MAP4K3: variants seen among roughly 807,000 people sequenced by gnomAD.
MAP4K3 encodes the protein mitogen-activated protein kinase kinase kinase kinase 3, also known as MAPK/ERK kinase kinase kinase 3.
A neutral mutation model predicts 143.5 loss-of-function variants in MAP4K3; 94 were observed. The ratio of observed to expected loss-of-function variants is 0.65; its 90% confidence interval spans 0.55 to 0.78. MAP4K3 has a LOEUF of 0.78. MAP4K3 is among the 30% of genes least tolerant of loss of function. The pLI, the probability that MAP4K3 is intolerant of heterozygous loss-of-function variation, is 0.00. For missense variants in MAP4K3, 1,077 were observed against 1,068.1 expected (o/e 1.01, Z -0.12); for synonymous variants, 416 against 347.2 (o/e 1.20, Z -2.20).
intron 32 of MAP4K3, 53 bp downstream of exon 32, chr2:39,254,397 G>T: frequency 7.2e-7 from 1 of 1,384,628 alleles, no homozygotes; most frequent in Non-Finnish European, 1.0e-6. Context: ...CGAACTGTTT[G>T]AAGTGGAATT....
chr2:39,300,439 A>G (rs1682462541), intron 15 of MAP4K3, among the ~76,000 whole-genome samples: 1 of 152,238 alleles, frequency 6.6e-6, no homozygotes, highest in Non-Finnish European at 1.5e-5. Context: ...TAGAGTGTTA[A>G]GAATTAACAT....
At chr2:39,351,964 C>A (rs529487854) in intron 3 of MAP4K3, among the ~76,000 whole-genome samples, 2 of 152,330 alleles carry the variant, frequency 1.3e-5, no homozygotes, top group Admixed American at 6.5e-5. Flanking sequence ...AGCCACCGCA[C>A]CCAGCCCAAA....
At chr2:39,351,654 A>C (rs1031327334) in intron 3 of MAP4K3, among the ~76,000 whole-genome samples, 1 of 152,178 alleles carries the variant, frequency 6.6e-6, no homozygotes, top group Non-Finnish European at 1.5e-5. Context: ...AGTACTCTGT[A>C]CTTCAAAGGT....
intron 2 of MAP4K3, among the ~76,000 whole-genome samples, chr2:39,362,694 C>A (rs1665803838): frequency 6.6e-6 from 1 of 152,026 alleles, no homozygotes; most frequent in South Asian, 2.1e-4. Flanking sequence ...ATAGAAAAAA[C>A]AATCCTAAAA....
At chr2:39,424,830 C>CAAAAAAAAAAAAA (rs58960920) in intron 1 of MAP4K3, among the ~76,000 whole-genome samples, 1 of 68,198 alleles carries the variant, frequency 1.5e-5, no homozygotes, top group African/African-American at 6.0e-5. Flanking sequence ...TAACCTGACT[C>CAAAAAAAAAAAAA]AAAAAAAAAA....
At chr2:39,413,282 T>C (rs989267640) in intron 1 of MAP4K3, among the ~76,000 whole-genome samples, 1 of 151,886 alleles carries the variant, frequency 6.6e-6, no homozygotes, top group African/African-American at 2.4e-5. Context: ...GAGAAAACTA[T>C]AGTCCTAAGT....
intron 2 of MAP4K3, among the ~76,000 whole-genome samples, chr2:39,362,225 T>C (rs1558666346): frequency 6.6e-6 from 1 of 152,172 alleles, no homozygotes; most frequent in Non-Finnish European, 1.5e-5. Flanking sequence ...TCCTGGATCA[T>C]GTTAAATGTC....
chr2:39,309,387 G>T, intron 14 of MAP4K3, 74 bp downstream of exon 14: 2 of 1,154,450 alleles, frequency 1.7e-6, no homozygotes, highest in Non-Finnish European at 2.5e-6. Flanking sequence ...TTTTTGGTCA[G>T]TACTAATACA....
intron 2 of MAP4K3, among the ~76,000 whole-genome samples, chr2:39,371,095 G>A (rs1008371847): frequency 6.6e-6 from 1 of 151,992 alleles, no homozygotes; most frequent in South Asian, 2.1e-4. Context: ...GAACAAACCC[G>A]TCATCTGACA....
chr2:39,430,347 T>C (rs190778750), intron 1 of MAP4K3, among the ~76,000 whole-genome samples: 31 of 152,290 alleles, frequency 2.0e-4, no homozygotes, highest in Admixed American at 8.5e-4. Context: ...AATTATTCTA[T>C]AGAGTTTAAG....
At chr2:39,287,817 G>C (rs1681864102) in intron 20 of MAP4K3, among the ~76,000 whole-genome samples, 2 of 152,180 alleles carry the variant, frequency 1.3e-5, no homozygotes, top group African/African-American at 4.8e-5. Flanking sequence ...TTCCATGTTT[G>C]TTCATAGTTT....
intron 8 of MAP4K3, among the ~76,000 whole-genome samples, chr2:39,326,902 G>C (rs574157468): frequency 6.6e-6 from 1 of 152,020 alleles, no homozygotes; most frequent in Admixed American, 6.6e-5. Flanking sequence ...ATGATTGTAA[G>C]TTTTCTGAGG....
At chr2:39,273,518 A>C (rs905331687) in intron 24 of MAP4K3, among the ~76,000 whole-genome samples, 2 of 103,234 alleles carry the variant, frequency 1.9e-5, no homozygotes, top group Middle Eastern at 4.5e-3. Flanking sequence ...GAGATGAGAG[A>C]ATGGAATAGA....
Position 39,424,112 on chromosome 2 carries a change from T to G in MAP4K3, c.96+12780A>C, listed in dbSNP as rs1664980112. Among the ~76,000 whole-genome samples, 7 of 152,190 alleles carry G rather than the reference T, an allele frequency of 4.6e-5. No homozygotes were observed. In the South Asian group the frequency reaches 1.5e-3, roughly 32 times the overall value. On this transcript the variant is annotated intron_variant, in intron 1 of 33. Transcript: ENST00000263881. ...ATGTGTGCCACCACACCCAGCTAAT[T>G]TTTATATTTTTCGTAGAGACAGGGT...
chr2:39,380,958 T>A (rs1283554776), intron 1 of MAP4K3, among the ~76,000 whole-genome samples: 1 of 152,180 alleles, frequency 6.6e-6, no homozygotes, highest in African/African-American at 2.4e-5. Context: ...CCAGACCCAT[T>A]CGCAGTCACT....
chr2:39,422,383 C>CAT (rs1377601073), intron 1 of MAP4K3, among the ~76,000 whole-genome samples: 1 of 152,064 alleles, frequency 6.6e-6, no homozygotes, highest in Non-Finnish European at 1.5e-5. Flanking sequence ...CCAAACTCCT[C>CAT]ATGTTTGGAA....
chr2:39,323,877 T>G (rs1157578771), intron 12 of MAP4K3: 2 of 152,174 alleles, frequency 1.3e-5, no homozygotes, highest in African/African-American at 2.4e-5. Context: ...TTTTTCACAT[T>G]TCTACAATTA....
intron 15 of MAP4K3, among the ~76,000 whole-genome samples, chr2:39,306,741 G>C (rs1361183457): frequency 2.0e-5 from 3 of 152,188 alleles, no homozygotes; most frequent in Non-Finnish European, 4.4e-5. Context: ...CTGTGAAACA[G>C]AGCCAGCATC....
chr2:39,278,660 T>C (rs766372028), intron 23 of MAP4K3, among the ~76,000 whole-genome samples, 174 bp from the exon 24 acceptor site: 46 of 152,244 alleles, frequency 3.0e-4, no homozygotes, highest in Non-Finnish European at 2.9e-5. Flanking sequence ...CTGAATTATA[T>C]GTAAACATTA....
Sources: allele counts gnomAD v4.1 joint callset (sites outside exome capture counted in the v4.1 genomes callset), GRCh38; gene constraint gnomAD v4.1.1; transcripts MANE v1.5; gene names NCBI Gene and HGNC (gene_info 2026-07-23, HGNC 2026-07-21).